The following TTI2 variants were observed in gnomAD, a reference collection of about 807,000 sequenced individuals.
TTI2 encodes the protein TELO2-interacting protein 2.
A neutral mutation model predicts 44.9 loss-of-function variants in TTI2; 26 were observed. That is an observed-to-expected ratio of 0.58 (90% confidence interval 0.42 to 0.80). TTI2 has a LOEUF of 0.80. Among genes scored for constraint, TTI2 ranks in the 30% least tolerant of loss-of-function variants. The pLI is 0.00. For synonymous variants in TTI2, 254 were observed against 250.9 expected, an observed-to-expected ratio of 1.01 and a Z score of -0.12; for missense variants, 582 against 611.6, an observed-to-expected ratio of 0.95 and a Z score of 0.51.
At chr8:33,502,823 CTCAAAA>C (rs1196162821) in intron 6 of TTI2, among the ~76,000 whole-genome samples, 2 of 126,798 alleles carry the variant, frequency 1.6e-5, no homozygotes, top group Admixed American at 8.2e-5. Flanking sequence ...AATACTCCAT[CTCAAAA>C]ACAAAAACAA....
In TTI2 at chr8:33,499,230, C is replaced by T. The variant is rs1209476527; in HGVS notation, c.1470G>A (p.Val490=). 1 of 1,614,042 alleles carries T rather than the reference C, an allele frequency of 6.2e-7. No homozygotes were observed. The highest frequency in any genetic ancestry group is 8.5e-7 in the Non-Finnish European group (1 of 1,179,990). Reference sequence around the variant, plus strand: ...CCTGCTGCACTTTTCTGATATAGTTCACCACTTTTCTGTCTTCACAGCTTT... The same window carrying T: ...CCTGCTGCACTTTTCTGATATAGTTTACCACTTTTCTGTCTTCACAGCTTT... ...IPQSCEDRKV[V]NYIRKVQQVS... The change falls in exon 8 of 8, where the codon GTG becomes GTA. Residue 490 remains valine, a synonymous_variant. Transcript: ENST00000431156.
intron 6 of TTI2, chr8:33,501,158 TAAAC>T (rs1325131088): frequency 6.6e-6 from 1 of 152,076 alleles, no homozygotes; most frequent in Non-Finnish European, 1.5e-5. Context: ...TTTACCACAA[TAAAC>T]AAAAAACCCT....
intron 2 of TTI2, among the ~76,000 whole-genome samples, chr8:33,510,135 T>C (rs2732298): frequency 0.62 from 94,829 of 151,888 alleles, 29,864 homozygotes; most frequent in Non-Finnish European, 0.64. Flanking sequence ...CAAATAATCA[T>C]CCAGGGCTTT....
Position 33,512,393 on chromosome 8 carries a change from C to T in TTI2, c.221G>A (p.Arg74Gln). 1.9e-6 allele frequency: 3 copies of T among 1,614,108 alleles called. No homozygotes were observed. The highest frequency in any genetic ancestry group is 2.2e-5 in the South Asian group (2 of 91,088). Residue 74 changes from arginine (R) to glutamine (Q), a missense_variant, in exon 2 of 8, where the codon CGG (arginine) becomes CAG (glutamine). Coordinates refer to ENST00000431156, the MANE Select transcript of TTI2 (RefSeq NM_001102401.4). ...CAGTGTCTCCGGCATTCCGCGGAGCCGTGCACCAGTCCCCTCAAATAACCT... is the reference window on the plus strand; with the variant it reads ...CAGTGTCTCCGGCATTCCGCGGAGCTGTGCACCAGTCCCCTCAAATAACCT... ...FDRLFEGTGA[R>Q]LRGMPETLGQ...
At chr8:33,509,261 G>A (rs529512840) in intron 3 of TTI2, among the ~76,000 whole-genome samples, 1 of 151,156 alleles carries the variant, frequency 6.6e-6, no homozygotes, top group African/African-American at 2.4e-5. Context: ...GTTGAAGACC[G>A]GCCTGGCCAA....
At chr8:33,506,684 G>A (rs2128829174) in intron 4 of TTI2, among the ~76,000 whole-genome samples, 1 of 137,104 alleles carries the variant, frequency 7.3e-6, no homozygotes, top group African/African-American at 2.8e-5. Context: ...GAGCCACAGT[G>A]CCAGGCTTTT....
At chr8:33,499,540 C>A in intron 7 of TTI2, 1 of 376,220 alleles carries the variant, frequency 2.7e-6, no homozygotes, top group Admixed American at 4.2e-5. Flanking sequence ...AGCAGAATTC[C>A]AGCCAAGGCA....
chr8:33,512,489 G>C lies in TTI2; in HGVS notation c.125C>G (p.Ala42Gly), dbSNP rs776177816. ...KILHCLARPEARRGNVKDAVL... is the reference protein window; with the variant it reads ...KILHCLARPEGRRGNVKDAVL... ...TGCATCTTTTACATTGCCTCGTCGT[G>C]CCTCCGGGCGGGCAAGACAGTGTAA... The change falls in exon 2 of 8, where the codon GCA becomes GGA. Residue 42 changes from alanine (A) to glycine (G), a missense_variant. Physicochemically the swap from Ala to Gly is moderately conservative, Grantham distance 60. Transcript: ENST00000431156. The C allele has an allele frequency of 6.2e-7, 1 of 1,613,978 alleles. No individual in the cohort carries two copies. Among genetic ancestry groups the C allele is most frequent in the South Asian group, 1.1e-5 (1 of 91,086 alleles).
chr8:33,512,310 C>G lies in TTI2; in HGVS notation c.304G>C (p.Gly102Arg). 3.7e-6 allele frequency: 6 copies of G among 1,614,226 alleles called. No homozygotes were observed. The highest frequency in any genetic ancestry group is 5.1e-6 in the Non-Finnish European group (6 of 1,180,040). Residue 102 changes from glycine to arginine, a missense_variant, in exon 2 of 8, where the codon GGA becomes CGA. Coordinates refer to ENST00000431156, the MANE Select transcript of TTI2 (RefSeq NM_001102401.4). Reference sequence around the variant, plus strand: ...GCCGCTTCGGAGTGCCCATCACCTCCACCTTCCTCCTCCTTGGAGGGGGCT... The same window carrying G: ...GCCGCTTCGGAGTGCCCATCACCTCGACCTTCCTCCTCCTTGGAGGGGGCT... ...YAAPSKEEEG[G>R]GDGHSEAAEK... is the part of the protein sequence containing the mutation.
chr8:33,504,954 G>A (rs930068213), intron 4 of TTI2, among the ~76,000 whole-genome samples: 2 of 152,178 alleles, frequency 1.3e-5, no homozygotes, highest in Admixed American at 1.3e-4. Context: ...TGGGTGCAGT[G>A]GCCTATGCCT....
chr8:33,504,997 C>A lies in TTI2; in HGVS notation c.928-1062G>T, dbSNP rs551272989. Among the ~76,000 whole-genome samples the A allele has an allele frequency of 1.1e-3, 160 of 152,210 alleles. 1 individual carries two copies. The highest frequency in any genetic ancestry group is 3.7e-3 in the African/African-American group (153 of 41,502). On this transcript the variant is annotated intron_variant, in intron 4 of 7. Coordinates refer to ENST00000431156, the MANE Select transcript of TTI2 (RefSeq NM_001102401.4). Reference sequence around the variant, plus strand: ...TAGTATCTTGGGAAGCCAAGGCGGGCGGATCACTTGAGGTCAGGAGTTTGA... The same window carrying A: ...TAGTATCTTGGGAAGCCAAGGCGGGAGGATCACTTGAGGTCAGGAGTTTGA...
At chr8:33,508,617 C>CAAAAAAAA (rs55717202) in intron 3 of TTI2, among the ~76,000 whole-genome samples, 10 of 63,950 alleles carry the variant, frequency 1.6e-4, no homozygotes, top group African/African-American at 3.7e-4. Flanking sequence ...GACTCTGCCT[C>CAAAAAAAA]AAAAAAAAAA....
At chr8:33,511,815 G>A in intron 2 of TTI2, 152 bp downstream of exon 2, 1 of 830,002 alleles carries the variant, frequency 1.2e-6, no homozygotes, top group Non-Finnish European at 1.9e-6. Context: ...CTTGAACCCA[G>A]GAGGCGGAGG....
At chr8:33,504,557 G>A (rs2732293) in intron 4 of TTI2, among the ~76,000 whole-genome samples, 1 of 151,862 alleles carries the variant, frequency 6.6e-6, no homozygotes, top group African/African-American at 2.4e-5. Flanking sequence ...TTTATCCCTA[G>A]GCCAGGGGTA....
In TTI2 at chr8:33,512,399, C is replaced by A. The variant is rs774970585; in HGVS notation, c.215G>T (p.Gly72Val). ...CTCCGGCATTCCGCGGAGCCGTGCA[C>A]CAGTCCCCTCAAATAACCTATCAAA... The part of the protein sequence containing the change: ...TEFDRLFEGT[G>V]ARLRGMPETL... The change falls in exon 2 of 8, where the codon GGT becomes GTT. Residue 72 changes from glycine to valine, a missense_variant. By Grantham distance (109) the Gly-to-Val change is moderately radical. Coordinates refer to ENST00000431156, the MANE Select transcript of TTI2 (RefSeq NM_001102401.4). The A allele has an allele frequency of 7.4e-6, 12 of 1,613,972 alleles. No individual in the cohort carries two copies. In the African/African-American group the frequency reaches 1.6e-4, roughly 22 times the overall value.
intron 7 of TTI2, chr8:33,499,786 T>C (rs998493722): frequency 2.5e-5 from 4 of 161,928 alleles, no homozygotes; most frequent in African/African-American, 9.6e-5. Flanking sequence ...CAGTAGTTTA[T>C]TAAATACATA....
intron 3 of TTI2, 37 bp downstream of exon 3, chr8:33,509,709 T>C: frequency 1.3e-6 from 2 of 1,580,824 alleles, no homozygotes; most frequent in Non-Finnish European, 1.7e-6. Context: ...ACTCAGTCTG[T>C]CCTGTCAACA....
Position 33,498,868 on chromosome 8 carries a change from G to A in TTI2, c.*305C>T, listed in dbSNP as rs1156710453. 3 of 582,630 alleles carry A rather than the reference G, an allele frequency of 5.1e-6. No homozygotes were observed. The highest frequency in any genetic ancestry group is 4.4e-5 in the South Asian group (2 of 45,644). 36.1% of individuals were successfully genotyped at this position (582,630 alleles called of 1,614,324 possible). A position where few individuals can be genotyped will look rare whatever the true frequency, so the allele number is the denominator to read the frequency against. On this transcript the variant is annotated 3_prime_UTR_variant, in exon 8 of 8. Transcript: ENST00000431156. ...TGTGTTGAAGTAACAGCTTGTGCCC[G>A]AGAAACTTAACAGATGAGTTCTTGA...
chr8:33,509,352 G>A (rs1312951213), intron 3 of TTI2, among the ~76,000 whole-genome samples: 2 of 150,548 alleles, frequency 1.3e-5, no homozygotes, highest in African/African-American at 2.4e-5. Flanking sequence ...AGCTACTCGG[G>A]AGGCAGAGGC....
Sources: gnomAD v4.1 joint callset for allele counts (sites outside exome capture counted in the v4.1 genomes callset) on GRCh38, gnomAD v4.1.1 for gene constraint, MANE v1.5 for transcripts, NCBI Gene and HGNC (gene_info 2026-07-23, HGNC 2026-07-21) for gene names.